The following REN variants were observed in gnomAD, a reference collection of about 807,000 sequenced individuals.
The protein encoded by REN is renin.
REN carries 42 observed loss-of-function variants against 48.6 expected under a neutral mutation model. That is an observed-to-expected ratio of 0.86 (90% CI 0.68 to 1.12). REN has a LOEUF of 1.12. REN is among the 50% of genes most tolerant of loss of function. The pLI is 0.00. For missense variants in REN, 443 were observed against 527.3 expected, an observed-to-expected ratio of 0.84 and a Z score of 1.57; for synonymous variants, 196 against 204.6, an observed-to-expected ratio of 0.96 and a Z score of 0.36.
At position 204,156,770 on chromosome 1, in the gene REN, A is replaced by ATCTTGCCTCCCAGCACAT; in HGVS notation, c.724_725insATGTGCTGGGAGGCAAGA (p.Gln241_Ile242insAsnValLeuGlyGlyLys). On this transcript the variant is annotated inframe_insertion, in exon 7 of 10. Coordinates refer to ENST00000272190, the MANE Select transcript of REN (RefSeq NM_000537.4). This position sits in a 1 kb window ranked among gnomAD's most constrained non-coding sequence, Gnocchi z 4.2. ...CTGGGGGTCGCTGCCTCCCAGCACAATCTGTCCTCCCAGCGATTGGGAATT... is the reference window on the plus strand; with the variant it reads ...CTGGGGGTCGCTGCCTCCCAGCACAATCTTGCCTCCCAGCACATTCTGTCCTCCCAGCGATTGGGAATT... 6.2e-7 allele frequency: 1 copy of ATCTTGCCTCCCAGCACAT among 1,614,018 alleles called. No individual in the cohort carries two copies. The highest frequency in any genetic ancestry group is 8.5e-7 in the Non-Finnish European group (1 of 1,180,006).
intron 1 of REN, among the ~76,000 whole-genome samples, chr1:204,163,688 G>C (rs6676670): frequency 1.3e-5 from 2 of 151,894 alleles, no homozygotes; most frequent in African/African-American, 2.4e-5. Context: ...TCACCTTCCC[G>C]TGGGCCTCAG....
intron 1 of REN, among the ~76,000 whole-genome samples, chr1:204,165,922 C>A (rs1658341680): frequency 6.6e-6 from 1 of 152,102 alleles, no homozygotes. Flanking sequence ...GCTGTGAGCT[C>A]CTCAAGTGCA....
At chr1:204,159,202 C>A in intron 5 of REN, 197 bp downstream of exon 5, 1 of 665,232 alleles carries the variant, frequency 1.5e-6, no homozygotes. Flanking sequence ...CAGTTGAATG[C>A]TTAATTGATG....
chr1:204,158,464 C>T (rs764920683), intron 5 of REN, among the ~76,000 whole-genome samples: 1 of 132,652 alleles, frequency 7.5e-6, no homozygotes. Flanking sequence ...GTTGCCTTAG[C>T]TGGAGTGCAG....
chr1:204,166,116 G>A (rs988386968), intron 1 of REN, 80 bp downstream of exon 1: 21 of 1,132,948 alleles, frequency 1.9e-5, no homozygotes, highest in South Asian at 2.5e-5. Flanking sequence ...GAATGACACC[G>A]CATGTGGAAA....
intron 1 of REN, among the ~76,000 whole-genome samples, chr1:204,163,498 C>T: frequency 6.6e-6 from 1 of 152,252 alleles, no homozygotes; most frequent in Non-Finnish European, 1.5e-5. Flanking sequence ...AAAGAGGTTG[C>T]ATTTCCCACT....
At chr1:204,157,445 G>A (rs1364750363) in intron 5 of REN, 76 bp from the exon 6 acceptor site, 11 of 1,593,632 alleles carry the variant, frequency 6.9e-6, no homozygotes, top group Non-Finnish European at 8.6e-6. Flanking sequence ...TTGGCAGGGT[G>A]GGTGTTATGT....
rs778261055 is a variant in REN, at chr1:204,161,301, T to C, written c.364A>G (p.Thr122Ala). ...GGGTCTTAGGTCTCACCACAGGCAG[T>C]GTAGAGACGGCTGCACTTGGAGGAG... ...VPSSKCSRLYTACVYHKLFDA... is the reference protein window; with the variant it reads ...VPSSKCSRLYAACVYHKLFDA... The change falls in exon 3 of 10, where the codon ACT (threonine) becomes GCT (alanine). Residue 122 changes from threonine to alanine, a missense_variant. Transcript: ENST00000272190. 3.2e-5 allele frequency: 52 copies of C among 1,606,020 alleles called. No homozygotes were observed. The highest frequency in any genetic ancestry group is 3.9e-5 in the Non-Finnish European group (46 of 1,176,270).
At position 204,155,040 on chromosome 1, in the gene REN, G is replaced by A. The variant is rs143251803; in HGVS notation, c.1197C>T (p.Arg399=). 251 of 1,614,176 alleles carry A rather than the reference G, an allele frequency of 1.6e-4. 1 individual carries two copies. The highest frequency in any genetic ancestry group is 1.4e-4 in the Non-Finnish European group (163 of 1,180,048). Residue 399 remains arginine, a synonymous_variant, in exon 10 of 10, where the codon CGC becomes CGT. Transcript: ENST00000272190. ...CTCAGCGGGCCAAGGCGAAGCCAAT[G>A]CGGTTGTTACGCCGATCAAACTCTG... ...FYTEFDRRNN[R]IGFALAR
Position 204,156,070 on chromosome 1 carries a change from G to A in REN, c.960+108C>T. 4 of 1,538,742 alleles carry A rather than the reference G, an allele frequency of 2.6e-6. No individual in the cohort carries two copies. Among genetic ancestry groups the A allele is most frequent in the South Asian group, 1.1e-5 (1 of 89,146 alleles). ...CCAGCCACATGTGTGGAGAGTGTGA[G>A]GTGAACAAGCGAAGGCCTGAGATGG... On this transcript the variant is annotated intron_variant, in intron 8 of 9. Coordinates refer to ENST00000272190, the MANE Select transcript of REN (RefSeq NM_000537.4). The surrounding 1 kb of genome is among the most constrained non-coding windows in gnomAD (Gnocchi z 4.2).
Position 204,156,265 on chromosome 1 carries a change from T to C in REN, c.873A>G (p.Val291=), listed in dbSNP as rs1403544203. 1.2e-6 allele frequency: 2 copies of C among 1,614,076 alleles called. No homozygotes were observed. Among genetic ancestry groups the C allele is most frequent in the Admixed American group, 3.3e-5 (2 of 60,000 alleles). The change falls in exon 8 of 10, where the codon GTA becomes GTG. Residue 291 remains valine (V), a synonymous_variant. Transcript: ENST00000272190. This position sits in a 1 kb window ranked among gnomAD's most constrained non-coding sequence, Gnocchi z 4.2. The stretch of plus-strand genomic sequence containing the variant: ...CTGAGATGTAGGATGCACCGGTGTC[T>C]ACCAATGCCAGGCAGCCGTCTTCAC... ...LLCEDGCLAL[V]DTGASYISGS...
intron 3 of REN, 147 bp downstream of exon 3, chr1:204,161,145 T>C: frequency 1.1e-6 from 1 of 943,794 alleles, no homozygotes; most frequent in Non-Finnish European, 1.5e-6. Flanking sequence ...CATCTTCCCC[T>C]CTCCCCTACA....
chr1:204,157,167 A>G (rs981642492), intron 6 of REN, among the ~76,000 whole-genome samples, 194 bp downstream of exon 6: 2 of 151,944 alleles, frequency 1.3e-5, no homozygotes, highest in Non-Finnish European at 2.9e-5. Context: ...ATGGGAGGGG[A>G]CCCTGGGGAG....
chr1:204,165,888 A>C (rs1571651723), intron 1 of REN, among the ~76,000 whole-genome samples: 1 of 152,146 alleles, frequency 6.6e-6, no homozygotes, highest in East Asian at 1.9e-4. Flanking sequence ...GCGCCCAACC[A>C]CCCATGCCCT....
chr1:204,161,225 G>C, intron 3 of REN, 67 bp downstream of exon 3: 1 of 1,502,800 alleles, frequency 6.7e-7, no homozygotes, highest in Non-Finnish European at 8.9e-7. Context: ...CTGGGTGTTG[G>C]GCAGGATTGC....
In REN at chr1:204,161,105, C is replaced by A. The variant is rs11571111; in HGVS notation, c.373+187G>T. Among the ~76,000 whole-genome samples the A allele has an allele frequency of 4.7e-3, 720 of 151,906 alleles. 5 individuals are homozygous for A. The highest frequency in any genetic ancestry group is 0.015 in the African/African-American group (624 of 41,386). On this transcript the variant is annotated intron_variant, in intron 3 of 9. Transcript: ENST00000272190. ...TTCTTGGACCTTTTTTTGTTTTTAACCTTGGTGGCTGTATCAGAAAAACGG... is the reference window on the plus strand; with the variant it reads ...TTCTTGGACCTTTTTTTGTTTTTAAACTTGGTGGCTGTATCAGAAAAACGG...
chr1:204,156,860 TG>T lies in REN; in HGVS notation c.699-65del. Reference sequence around the variant, plus strand: ...TCCAGGACCCAGCAACTCAGGCAATTGGGGAAGGTTGCACAAGGGTGCAGGG... The same window carrying T: ...TCCAGGACCCAGCAACTCAGGCAATTGGGAAGGTTGCACAAGGGTGCAGGG... On this transcript the variant is annotated intron_variant, in intron 6 of 9. Transcript: ENST00000272190. This position sits in a 1 kb window ranked among gnomAD's most constrained non-coding sequence, Gnocchi z 4.2. 1 of 1,603,404 alleles carries T rather than the reference TG, an allele frequency of 6.2e-7. No individual in the cohort carries two copies.
Position 204,156,092 on chromosome 1 carries a change from A to T in REN, c.960+86T>A. The T allele has an allele frequency of 6.3e-7, 1 of 1,589,256 alleles. No individual in the cohort carries two copies. Among genetic ancestry groups the T allele is most frequent in the Non-Finnish European group, 8.6e-7 (1 of 1,158,826 alleles). ...TGAGGTGAACAAGCGAAGGCCTGAGATGGCCTCATTTGCCTGGGGGATTTG... is the reference window on the plus strand; with the variant it reads ...TGAGGTGAACAAGCGAAGGCCTGAGTTGGCCTCATTTGCCTGGGGGATTTG... On this transcript the variant is annotated intron_variant, in intron 8 of 9. Coordinates refer to ENST00000272190, the MANE Select transcript of REN (RefSeq NM_000537.4). This position sits in a 1 kb window ranked among gnomAD's most constrained non-coding sequence, Gnocchi z 4.2.
In REN at chr1:204,156,385, G is replaced by C; in HGVS notation, c.819-66C>G. The C allele has an allele frequency of 6.3e-7, 1 of 1,590,838 alleles. No homozygotes were observed. The highest frequency in any genetic ancestry group is 8.5e-7 in the Non-Finnish European group (1 of 1,170,278). On this transcript the variant is annotated intron_variant, in intron 7 of 9. Transcript: ENST00000272190. This position sits in a 1 kb window ranked among gnomAD's most constrained non-coding sequence, Gnocchi z 4.2. ...ACAGAAGGCTGATGGGGCACCTCCAGGCTGCATGTCCTTCCTGAGTGTGGG... is the reference window on the plus strand; with the variant it reads ...ACAGAAGGCTGATGGGGCACCTCCACGCTGCATGTCCTTCCTGAGTGTGGG...
Sources: allele counts gnomAD v4.1 joint callset (sites outside exome capture counted in the v4.1 genomes callset), GRCh38; gene constraint gnomAD v4.1.1; non-coding constraint Gnocchi (gnomAD v3.1); transcripts MANE v1.5; gene names NCBI Gene and HGNC (gene_info 2026-07-23, HGNC 2026-07-21).